TANC2: variants seen among roughly 807,000 people sequenced by gnomAD.
TANC2 encodes tetratricopeptide repeat, ankyrin repeat and coiled-coil containing 2, also known as protein TANC2.
TANC2 carries 26 observed loss-of-function variants against 210.5 expected under a neutral mutation model. The observed-to-expected ratio is 0.12, with a 90% CI of 0.09 to 0.17. The LOEUF is 0.17. TANC2 is among the 10% of genes least tolerant of loss of function. The pLI is 1.00. For synonymous variants in TANC2, 931 were observed against 967.1 expected (o/e 0.96, Z 0.69); for missense variants, 2,129 against 2,608.9 (o/e 0.82, Z 4.01).
intron 11 of TANC2, among the ~76,000 whole-genome samples, chr17:63,337,902 A>T (rs2046090758): frequency 6.6e-6 from 1 of 152,172 alleles, no homozygotes; most frequent in Non-Finnish European, 1.5e-5. Flanking sequence ...AGTTTGCTAA[A>T]GATAGTGGCC....
At chr17:63,088,488 C>G (rs753357953) in intron 3 of TANC2, 1 of 152,146 alleles carries the variant, frequency 6.6e-6, no homozygotes, top group African/African-American at 2.4e-5. Flanking sequence ...TCACCGCATT[C>G]GTTGTGTTTC....
intron 2 of TANC2, among the ~76,000 whole-genome samples, chr17:63,052,030 C>T (rs1568346062): frequency 6.6e-6 from 1 of 152,086 alleles, no homozygotes; most frequent in Admixed American, 6.5e-5. Flanking sequence ...GTATGAATAA[C>T]GTGCTGAAGA....
intron 3 of TANC2, among the ~76,000 whole-genome samples, chr17:63,074,625 A>T (rs2036511435): frequency 6.6e-6 from 1 of 151,972 alleles, no homozygotes; most frequent in Non-Finnish European, 1.5e-5. Context: ...CCACCTTCCT[A>T]TTTATTCTGT....
At chr17:63,196,957 C>T (rs2041365561) in intron 6 of TANC2, among the ~76,000 whole-genome samples, 1 of 152,134 alleles carries the variant, frequency 6.6e-6, no homozygotes, top group African/African-American at 2.4e-5. Context: ...ATAATCTATG[C>T]TCTTAACAGC....
At chr17:63,227,391 G>A (rs1294009713) in intron 7 of TANC2, among the ~76,000 whole-genome samples, 1 of 152,152 alleles carries the variant, frequency 6.6e-6, no homozygotes, top group African/African-American at 2.4e-5. Flanking sequence ...CTGCATAAAT[G>A]TCTTCTTTTG....
intron 3 of TANC2, among the ~76,000 whole-genome samples, chr17:63,098,200 CGAT>C (rs1188614794): frequency 6.6e-6 from 1 of 151,938 alleles, no homozygotes; most frequent in African/African-American, 2.4e-5. Context: ...TTGAGACCTA[CGAT>C]GATATTACCT....
chr17:63,296,072 T>G (rs895929785), intron 9 of TANC2, among the ~76,000 whole-genome samples: 2 of 152,096 alleles, frequency 1.3e-5, no homozygotes, highest in African/African-American at 2.4e-5. Context: ...AGAAACCCCC[T>G]GAGTGGTTAG....
chr17:63,302,066 A>G lies in TANC2; in HGVS notation c.1160-12322A>G, dbSNP rs192247960. 7.9e-5 allele frequency among the ~76,000 whole-genome samples: 12 copies of G among 152,218 alleles called. No individual in the cohort carries two copies. The East Asian group carries it at 1.2e-3, about 15-fold the overall frequency. ...GAGTCATTCAGGAGCAAGTTGTTCA[A>G]TTTCCTGTAGTTGTTTGGTTTTGAG... On this transcript the variant is annotated intron_variant, in intron 9 of 27. Coordinates refer to ENST00000689528, the Ensembl canonical transcript of TANC2.
At chr17:63,049,520 TAG>T (rs1351325119) in intron 2 of TANC2, among the ~76,000 whole-genome samples, 1 of 151,984 alleles carries the variant, frequency 6.6e-6, no homozygotes, top group African/African-American at 2.4e-5. Context: ...AGTATATTCT[TAG>T]AGTGTTTAAA....
chr17:63,251,152 G>A (rs748348396), intron 8 of TANC2, among the ~76,000 whole-genome samples: 1 of 152,172 alleles, frequency 6.6e-6, no homozygotes, highest in Non-Finnish European at 1.5e-5. Context: ...ACTACAATCA[G>A]TGAAGGAAGG....
intron 2 of TANC2, among the ~76,000 whole-genome samples, chr17:63,013,172 A>G (rs1419519308): frequency 2.6e-5 from 4 of 151,830 alleles, no homozygotes; most frequent in Admixed American, 2.6e-4. Flanking sequence ...TCCCGGACTC[A>G]GGTGATCCTC....
intron 5 of TANC2, among the ~76,000 whole-genome samples, chr17:63,178,754 A>G (rs2040678715): frequency 6.6e-6 from 1 of 152,244 alleles, no homozygotes; most frequent in Non-Finnish European, 1.5e-5. Flanking sequence ...AAACAATCTG[A>G]TGTGCAAATG....
intron 8 of TANC2, among the ~76,000 whole-genome samples, chr17:63,242,371 C>A (rs953481786): frequency 1.3e-5 from 2 of 151,834 alleles, no homozygotes; most frequent in Non-Finnish European, 2.9e-5. Flanking sequence ...GTTAATATTT[C>A]TGATTCTTTA....
At chr17:63,159,570 A>G (rs1227049053) in intron 5 of TANC2, among the ~76,000 whole-genome samples, 3 of 152,198 alleles carry the variant, frequency 2.0e-5, no homozygotes, top group Non-Finnish European at 4.4e-5. Flanking sequence ...CCAACCACAG[A>G]TTTAAAAAAT....
chr17:63,398,455 CAA>C (rs75216626), intron 18 of TANC2, among the ~76,000 whole-genome samples: 33 of 107,312 alleles, frequency 3.1e-4, no homozygotes, highest in Admixed American at 3.0e-4. Flanking sequence ...GACCCTGTCT[CAA>C]AAAAAAAAAA....
At chr17:63,028,266 G>A (rs914896709) in intron 2 of TANC2, among the ~76,000 whole-genome samples, 6 of 152,084 alleles carry the variant, frequency 3.9e-5, no homozygotes. Flanking sequence ...ATTAGAATGA[G>A]ACAGAATGTT....
At chr17:63,384,638 A>G (rs1039983627) in intron 15 of TANC2, among the ~76,000 whole-genome samples, 2 of 152,154 alleles carry the variant, frequency 1.3e-5, no homozygotes, top group Admixed American at 6.5e-5. Flanking sequence ...CTTATCCTAA[A>G]GTTAGCATAC....
intron 2 of TANC2, among the ~76,000 whole-genome samples, chr17:63,067,966 C>T (rs951612307): frequency 1.1e-4 from 16 of 152,174 alleles, no homozygotes; most frequent in Non-Finnish European, 1.8e-4. Flanking sequence ...AGGAAGCTGA[C>T]TGAATCCTTA....
intron 1 of TANC2, among the ~76,000 whole-genome samples, chr17:62,982,309 CA>C (rs1418449845): frequency 6.6e-6 from 1 of 152,142 alleles, no homozygotes; most frequent in Non-Finnish European, 1.5e-5. Flanking sequence ...GAACTGGGGA[CA>C]AAGGTTCAGC....
Sources: gnomAD v4.1 joint callset for allele counts (sites outside exome capture counted in the v4.1 genomes callset) on GRCh38, gnomAD v4.1.1 for gene constraint, MANE v1.5 for transcripts, NCBI Gene and HGNC (gene_info 2026-07-23, HGNC 2026-07-21) for gene names.